The following SEC61A2 variants were observed in gnomAD, a reference collection of about 807,000 sequenced individuals.
SEC61A2 encodes protein transport protein Sec61 subunit alpha isoform 2.
A neutral mutation model predicts 59.9 loss-of-function variants in SEC61A2; 28 were observed. The observed-to-expected ratio is 0.47, with a 90% CI of 0.35 to 0.64. The LOEUF is 0.64. Ranked by LOEUF, SEC61A2 falls within the 30% of genes least tolerant of loss-of-function variation. SEC61A2 has a pLI of 0.01. For synonymous variants in SEC61A2, 202 were observed against 214.4 expected, an observed-to-expected ratio of 0.94 and a Z score of 0.50; for missense variants, 340 against 585.9, an observed-to-expected ratio of 0.58 and a Z score of 4.33.
chr10:12,137,181 C>T (rs765691858), intron 3 of SEC61A2, among the ~76,000 whole-genome samples: 1 of 152,116 alleles, frequency 6.6e-6, no homozygotes, highest in Non-Finnish European at 1.5e-5. Context: ...GGTAGGACTG[C>T]AGGTGTGCCC....
rs1300364732 is a variant in SEC61A2 at position 12,152,214 on chromosome 10, G to A, written c.462+2253G>A. On this transcript the variant is annotated intron_variant, in intron 6 of 11. Coordinates refer to ENST00000298428, the MANE Select transcript of SEC61A2 (RefSeq NM_018144.4). The surrounding 1 kb of genome is among the most constrained non-coding windows in gnomAD (Gnocchi z 5.5). ...TTCTGCCTCAGCCTCCCCGGTAGCT[G>A]GAATTACAGGGTCCTGCCACCACGT... is the stretch of plus-strand genomic sequence containing the variant. Among the ~76,000 whole-genome samples, 1 of 152,058 alleles carries A rather than the reference G, an allele frequency of 6.6e-6. No individual in the cohort carries two copies. Among genetic ancestry groups the A allele is most frequent in the African/African-American group, 2.4e-5 (1 of 41,404 alleles).
At chr10:12,135,304 TTAAAG>T (rs1833860315) in intron 2 of SEC61A2, among the ~76,000 whole-genome samples, 1 of 151,980 alleles carries the variant, frequency 6.6e-6, no homozygotes, top group Admixed American at 6.6e-5. Context: ...ATCCTAGAAC[TTAAAG>T]TAAAATTTAA....
chr10:12,167,677 A>G (rs774175942), downstream of SEC61A2: 21 of 1,610,454 alleles, frequency 1.3e-5, no homozygotes, highest in Non-Finnish European at 1.8e-5. Flanking sequence ...CTCGTTTACA[A>G]AAATGGCCAG....
At chr10:12,135,200 C>T (rs1055675589) in intron 2 of SEC61A2, among the ~76,000 whole-genome samples, 9 of 151,658 alleles carry the variant, frequency 5.9e-5, no homozygotes, top group African/African-American at 1.7e-4. Flanking sequence ...CTAATGCATG[C>T]GGGGCTTAAA....
At position 12,132,069 on chromosome 10, in the gene SEC61A2, G is replaced by A. The variant is rs1420981096; in HGVS notation, c.8-1172G>A. The stretch of plus-strand genomic sequence containing the variant: ...TGTAATCCCAGCACTTTGGGAGGCC[G>A]AGACGGGCGGATCACGAGGTCAGGA... On this transcript the variant is annotated intron_variant, in intron 1 of 11. Transcript: ENST00000298428. Among the ~76,000 whole-genome samples the A allele has an allele frequency of 4.7e-5, 7 of 149,810 alleles. No homozygotes were observed. The East Asian group carries it at 1.4e-3, about 30-fold the overall frequency.
chr10:12,135,000 A>T (rs188100675), intron 2 of SEC61A2, among the ~76,000 whole-genome samples: 21 of 152,112 alleles, frequency 1.4e-4, no homozygotes, highest in Non-Finnish European at 2.9e-4. Flanking sequence ...GGATGTCACG[A>T]TGGGGAACTT....
At position 12,142,597 on chromosome 10, in the gene SEC61A2, G is replaced by A. The variant is rs923932099; in HGVS notation, c.142-520G>A. On this transcript the variant is annotated intron_variant, in intron 3 of 11. Coordinates refer to ENST00000298428, the MANE Select transcript of SEC61A2 (RefSeq NM_018144.4). The surrounding 1 kb of genome is among the most constrained non-coding windows in gnomAD (Gnocchi z 5.4). ...TATTCCATAATCTACTGGTGGGAGTGTTTTTTAAATTGTGGTAAAAGTATA... is the reference window on the plus strand; with the variant it reads ...TATTCCATAATCTACTGGTGGGAGTATTTTTTAAATTGTGGTAAAAGTATA... 1.3e-6 allele frequency: 1 copy of A among 769,538 alleles called. No individual in the cohort carries two copies. Among genetic ancestry groups the A allele is most frequent in the Non-Finnish European group, 1.6e-6 (1 of 633,258 alleles). 47.7% of individuals were successfully genotyped at this position (769,538 alleles called of 1,614,324 possible).
chr10:12,135,742 C>G (rs1833868491), intron 2 of SEC61A2, among the ~76,000 whole-genome samples: 1 of 152,198 alleles, frequency 6.6e-6, no homozygotes, highest in Admixed American at 6.5e-5. Context: ...AGTTGTTTCA[C>G]TTAAGATAAC....
downstream of SEC61A2, chr10:12,167,758 G>A (rs1272598054): frequency 1.2e-6 from 2 of 1,614,070 alleles, no homozygotes; most frequent in Non-Finnish European, 8.5e-7. Flanking sequence ...TTCAGTGCTA[G>A]AGCGTAGGAA....
At chr10:12,165,519 CAGAT>C (rs918618949), downstream of SEC61A2, 79 of 246,306 alleles carry the variant, frequency 3.2e-4, no homozygotes, top group African/African-American at 1.7e-3. Flanking sequence ...AAATTATTGA[CAGAT>C]AGATAGATAG....
At position 12,161,168 on chromosome 10, in the gene SEC61A2, T is replaced by A; in HGVS notation, c.1167+47T>A. On this transcript the variant is annotated intron_variant, in intron 10 of 11. Coordinates refer to ENST00000298428, the MANE Select transcript of SEC61A2 (RefSeq NM_018144.4). The surrounding 1 kb of genome is among the most constrained non-coding windows in gnomAD (Gnocchi z 5.4). Reference sequence around the variant, plus strand: ...AAATAAAACTCTTGGCAATGCATGGTGGCGCACATCTGTAATCGTAGCACT... The same window carrying A: ...AAATAAAACTCTTGGCAATGCATGGAGGCGCACATCTGTAATCGTAGCACT... 6.8e-7 allele frequency: 1 copy of A among 1,462,664 alleles called. No homozygotes were observed. The allele number at this position is 1,462,664 out of a possible 1,614,324, so 90.6% of individuals were successfully genotyped here.
Position 12,136,076 on chromosome 10 carries a change from T to C in SEC61A2, c.76-29T>C, listed in dbSNP as rs369098598. 2,644 of 1,524,902 alleles carry C rather than the reference T, an allele frequency of 1.7e-3. 4 individuals carry two copies. The highest frequency in any genetic ancestry group is 2.3e-3 in the Non-Finnish European group (2,486 of 1,099,656). 94.5% of individuals were successfully genotyped at this position (1,524,902 alleles called of 1,614,324 possible). A position where few individuals can be genotyped will look rare whatever the true frequency, so the allele number is the denominator to read the frequency against. Reference sequence around the variant, plus strand: ...AAAATTTGCTGTTTCTTGGTTTTGATTGATGATTCTTTACATTTTGTTGTA... The same window carrying C: ...AAAATTTGCTGTTTCTTGGTTTTGACTGATGATTCTTTACATTTTGTTGTA... On this transcript the variant is annotated intron_variant, in intron 2 of 11. Transcript: ENST00000298428.
chr10:12,136,591 C>T lies in SEC61A2; in HGVS notation c.141+421C>T, dbSNP rs146179616. On this transcript the variant is annotated intron_variant, in intron 3 of 11. Transcript: ENST00000298428. ...GGGCTCCCAAGTAGCTGTGGGACTA[C>T]GGGTGCCTACCACCATGCCCAGCTA... is the stretch of plus-strand genomic sequence containing the variant. Among the ~76,000 whole-genome samples, 851 of 152,266 alleles carry T rather than the reference C, an allele frequency of 5.6e-3. 8 individuals are homozygous for T. Among genetic ancestry groups the T allele is most frequent in the African/African-American group, 0.019 (780 of 41,560 alleles).
rs555428281 is a variant in SEC61A2 at position 12,158,754 on chromosome 10, A to C, written c.975+649A>C. Among the ~76,000 whole-genome samples the C allele has an allele frequency of 6.6e-6, 1 of 151,822 alleles. No homozygotes were observed. Among genetic ancestry groups the C allele is most frequent in the Non-Finnish European group, 1.5e-5 (1 of 67,952 alleles). On this transcript the variant is annotated intron_variant, in intron 9 of 11. Coordinates refer to ENST00000298428, the MANE Select transcript of SEC61A2 (RefSeq NM_018144.4). The surrounding 1 kb of genome is among the most constrained non-coding windows in gnomAD (Gnocchi z 5.7). The stretch of plus-strand genomic sequence containing the variant: ...CCAAAAAATAAAAACAAAAAATGCT[A>C]TTTGCTGCTGCTAACATGTGAGATA...
downstream of SEC61A2, chr10:12,166,798 C>A: frequency 2.1e-6 from 1 of 478,608 alleles, no homozygotes; most frequent in East Asian, 6.7e-5. Flanking sequence ...GAAAATGGCC[C>A]AGGAACACTG....
In SEC61A2 at chr10:12,155,681, T is replaced by G. The variant is rs966195617; in HGVS notation, c.463-97T>G. The stretch of plus-strand genomic sequence containing the variant: ...GATTGCAACGATCAGGCCTTAATAT[T>G]CAAAACGCCCCTAGCTTGGAAATAG... On this transcript the variant is annotated intron_variant, in intron 6 of 11. Coordinates refer to ENST00000298428, the MANE Select transcript of SEC61A2 (RefSeq NM_018144.4). This position sits in a 1 kb window ranked among gnomAD's most constrained non-coding sequence, Gnocchi z 4.3. The G allele has an allele frequency of 7.0e-7, 1 of 1,434,472 alleles. No homozygotes were observed. Among genetic ancestry groups the G allele is most frequent in the Non-Finnish European group, 9.7e-7 (1 of 1,033,246 alleles). The allele number at this position is 1,434,472 out of a possible 1,614,324, so 88.9% of individuals were successfully genotyped here.
chr10:12,169,181 C>T (rs1834788992), downstream of SEC61A2: 13 of 904,282 alleles, frequency 1.4e-5, no homozygotes, highest in Non-Finnish European at 1.9e-5. This position sits in a 1 kb window ranked among gnomAD's most constrained non-coding sequence, Gnocchi z 4.8. Flanking sequence ...GGTTCTTTTA[C>T]CCCTCCTCCT....
chr10:12,136,281 A>G (rs1186879175), intron 3 of SEC61A2, 111 bp downstream of exon 3: 1 of 622,110 alleles, frequency 1.6e-6, no homozygotes, highest in Non-Finnish European at 2.8e-6. Context: ...AGCTCAATAT[A>G]TTGAGCATTA....
At chr10:12,141,562 C>T (rs553627190) in intron 3 of SEC61A2, among the ~76,000 whole-genome samples, 7 of 152,062 alleles carry the variant, frequency 4.6e-5, no homozygotes, top group Non-Finnish European at 7.4e-5. Context: ...AAATTTGATA[C>T]ATATGAAAAG....
Sources: allele counts gnomAD v4.1 joint callset (sites outside exome capture counted in the v4.1 genomes callset), GRCh38; gene constraint gnomAD v4.1.1; non-coding constraint Gnocchi (gnomAD v3.1); transcripts MANE v1.5; gene names NCBI Gene and HGNC (gene_info 2026-07-23, HGNC 2026-07-21).